IQCJ: variants seen among roughly 807,000 people sequenced by gnomAD.
The protein encoded by IQCJ is IQ domain-containing protein J.
IQCJ carries 9 observed loss-of-function variants against 11.0 expected under a neutral mutation model. The observed-to-expected ratio is 0.82, with a 90% CI of 0.49 to 1.43. The LOEUF (loss-of-function observed/expected upper bound fraction) is 1.43. IQCJ is among the 40% of genes most tolerant of loss of function. The pLI, the probability that IQCJ is intolerant of heterozygous loss-of-function variation, is 0.00. For synonymous variants in IQCJ, 55 were observed against 51.3 expected, an observed-to-expected ratio of 1.07 and a Z score of -0.31; for missense variants, 146 against 133.2, an observed-to-expected ratio of 1.10 and a Z score of -0.47.
chr3:159,079,717 A>G lies in IQCJ; in HGVS notation c.9+10276A>G, dbSNP rs992065678. ...CATGTACATCTTTCCATGTCAATAC[A>G]TTTTTTCCTATGATTTCATTTTCAA... is the stretch of plus-strand genomic sequence containing the variant. On this transcript the variant is annotated intron_variant, in intron 1 of 3. Coordinates refer to ENST00000397832, the MANE Select transcript of IQCJ (RefSeq NM_001042706.3). Among the ~76,000 whole-genome samples the G allele has an allele frequency of 4.6e-5, 7 of 152,068 alleles. No homozygotes were observed. In the East Asian group the frequency reaches 1.4e-3, roughly 29 times the overall value.
At chr3:159,201,507 A>ATC (rs555631659) in intron 1 of IQCJ, among the ~76,000 whole-genome samples, 1,514 of 117,544 alleles carry the variant, frequency 0.013, 19 homozygotes, top group African/African-American at 0.037. Flanking sequence ...TTCTTTGTGT[A>ATC]TCTCTGTGTG....
At chr3:159,247,948 T>C (rs543362157) in intron 2 of IQCJ, among the ~76,000 whole-genome samples, 1 of 152,196 alleles carries the variant, frequency 6.6e-6, no homozygotes, top group Non-Finnish European at 1.5e-5. Context: ...CAGTATGTGC[T>C]GAGCCCCAGT....
intron 1 of IQCJ, among the ~76,000 whole-genome samples, chr3:159,094,566 T>C (rs537862177): frequency 4.0e-5 from 6 of 151,658 alleles, no homozygotes; most frequent in Non-Finnish European, 7.4e-5. Context: ...ATTCCATCCT[T>C]CAATGTTGTC....
At chr3:159,260,220 A>C (rs1377889997) in intron 3 of IQCJ, among the ~76,000 whole-genome samples, 1 of 152,156 alleles carries the variant, frequency 6.6e-6, no homozygotes, top group Non-Finnish European at 1.5e-5. Context: ...AGTTTTGCCC[A>C]ATGTTATTTG....
chr3:159,136,133 G>A (rs1239603068), intron 1 of IQCJ, among the ~76,000 whole-genome samples: 2 of 152,122 alleles, frequency 1.3e-5, no homozygotes, highest in African/African-American at 4.8e-5. Flanking sequence ...GTGTTTCATA[G>A]CTATGCTGAC....
intron 1 of IQCJ, among the ~76,000 whole-genome samples, chr3:159,218,665 C>T (rs183576443): frequency 1.1e-4 from 16 of 152,108 alleles, no homozygotes; most frequent in Admixed American, 4.6e-4. Flanking sequence ...TTATCAGTGA[C>T]GGTGAATATA....
chr3:159,262,665 C>T lies in IQCJ; in HGVS notation c.273C>T (p.Phe91=), dbSNP rs750756440. The T allele has an allele frequency of 2.5e-6, 4 of 1,614,002 alleles. No homozygotes were observed. The South Asian group carries it at 4.4e-5, about 18-fold the overall frequency. Residue 91 remains phenylalanine (F), a synonymous_variant, in exon 4 of 4, where the codon TTC becomes TTT. Coordinates refer to ENST00000397832, the MANE Select transcript of IQCJ (RefSeq NM_001042706.3). ...GCAGCTCTGTCAGCATGAACACCTT[C>T]TCCGACAGCAGCACACCCGTGAGTG... The part of the protein sequence containing the change: ...KLSSSVSMNT[F]SDSSTPVSVM...
chr3:159,072,302 A>G (rs1715618994), intron 1 of IQCJ, among the ~76,000 whole-genome samples: 1 of 152,002 alleles, frequency 6.6e-6, no homozygotes. Context: ...CTCTCTGGAG[A>G]AGATGAGTTC....
chr3:159,092,342 A>C (rs1220556359), intron 1 of IQCJ, among the ~76,000 whole-genome samples: 1 of 151,894 alleles, frequency 6.6e-6, no homozygotes, highest in African/African-American at 2.4e-5. Context: ...CATAGCATCC[A>C]AATGCACTAT....
At chr3:159,176,867 T>C (rs1722821533) in intron 1 of IQCJ, among the ~76,000 whole-genome samples, 1 of 152,220 alleles carries the variant, frequency 6.6e-6, no homozygotes, top group African/African-American at 2.4e-5. Context: ...TTTATTTCAA[T>C]TGAATAAGCT....
At chr3:159,087,864 A>C (rs1383930310) in intron 1 of IQCJ, among the ~76,000 whole-genome samples, 1 of 150,864 alleles carries the variant, frequency 6.6e-6, no homozygotes, top group African/African-American at 2.4e-5. Flanking sequence ...CCTTTCAAAA[A>C]ACCAGCTCCT....
chr3:159,175,147 G>A (rs1722725491), intron 1 of IQCJ, among the ~76,000 whole-genome samples: 1 of 152,094 alleles, frequency 6.6e-6, no homozygotes, highest in Admixed American at 6.6e-5. Context: ...TTTAACAAAT[G>A]TATACAGTCA....
intron 1 of IQCJ, among the ~76,000 whole-genome samples, chr3:159,083,022 T>C (rs1716432280): frequency 6.6e-6 from 1 of 152,020 alleles, no homozygotes; most frequent in Admixed American, 6.6e-5. Context: ...TAGACAAAAA[T>C]AGAAAAATTT....
intron 2 of IQCJ, among the ~76,000 whole-genome samples, chr3:159,250,822 C>T (rs1470896321): frequency 2.6e-5 from 4 of 152,134 alleles, no homozygotes; most frequent in Non-Finnish European, 5.9e-5. Context: ...CTTTCTATGC[C>T]CACCTACCCA....
intron 1 of IQCJ, among the ~76,000 whole-genome samples, chr3:159,150,423 A>G (rs2108200453): frequency 6.6e-6 from 1 of 152,238 alleles, no homozygotes; most frequent in East Asian, 1.9e-4. Context: ...TCCTGGAAGT[A>G]CTGAATGAAT....
At chr3:159,166,141 G>A (rs1722154628) in intron 1 of IQCJ, among the ~76,000 whole-genome samples, 1 of 151,034 alleles carries the variant, frequency 6.6e-6, no homozygotes. Flanking sequence ...CGTTTCCACT[G>A]TTTAAAAAAA....
chr3:159,177,828 AAAAT>A (rs1722874967), intron 1 of IQCJ, among the ~76,000 whole-genome samples: 1 of 152,238 alleles, frequency 6.6e-6, no homozygotes, highest in South Asian at 2.1e-4. Context: ...AGAAAGTATG[AAAAT>A]AAATACAGTA....
chr3:159,186,841 G>A lies in IQCJ; in HGVS notation c.10-59002G>A, dbSNP rs147279095. Among the ~76,000 whole-genome samples the A allele has an allele frequency of 1.4e-3, 216 of 152,340 alleles. 1 individual carries two copies. The highest frequency in any genetic ancestry group is 6.8e-3 in the Middle Eastern group (2 of 294). ...CAGCACTTTTGAACATGCTGCTGGTGAGAGAAAACGGGATGTCAGACTGGT... is the reference window on the plus strand; with the variant it reads ...CAGCACTTTTGAACATGCTGCTGGTAAGAGAAAACGGGATGTCAGACTGGT... On this transcript the variant is annotated intron_variant, in intron 1 of 3. Coordinates refer to ENST00000397832, the MANE Select transcript of IQCJ (RefSeq NM_001042706.3).
chr3:159,265,192 G>C (rs1416274349), downstream of IQCJ: 7 of 1,599,904 alleles, frequency 4.4e-6, no homozygotes, highest in Non-Finnish European at 5.1e-6. Flanking sequence ...AGCTAAGCTT[G>C]TTTTATCTGC....
Sources: allele counts gnomAD v4.1 joint callset (sites outside exome capture counted in the v4.1 genomes callset), GRCh38; gene constraint gnomAD v4.1.1; transcripts MANE v1.5; gene names NCBI Gene and HGNC (gene_info 2026-07-23, HGNC 2026-07-21).